The following DKK3 variants were observed in gnomAD, a reference collection of about 807,000 sequenced individuals.
The protein encoded by DKK3 is dickkopf-related protein 3.
In DKK3, 22 loss-of-function variants were observed where a neutral mutation model predicts 33.2. That is an observed-to-expected ratio of 0.66 (90% CI 0.47 to 0.95). The LOEUF (loss-of-function observed/expected upper bound fraction) is 0.95. DKK3 is among the 40% of genes least tolerant of loss of function. The probability of loss-of-function intolerance (pLI) is 0.00; values close to 1 mark genes in which losing one functional copy is unlikely to be tolerated. For missense variants in DKK3, 398 were observed against 458.4 expected (o/e 0.87, Z 1.20); for synonymous variants, 194 against 188.8 (o/e 1.03, Z -0.23).
intron 3 of DKK3, among the ~76,000 whole-genome samples, chr11:11,985,871 G>A (rs1848060222): frequency 6.6e-6 from 1 of 152,220 alleles, no homozygotes; most frequent in Non-Finnish European, 1.5e-5. Flanking sequence ...GAGGAGAGCA[G>A]CTCTGCACAA....
chr11:11,995,942 T>C (rs1216468985), intron 3 of DKK3, among the ~76,000 whole-genome samples: 1 of 152,216 alleles, frequency 6.6e-6, no homozygotes, highest in Non-Finnish European at 1.5e-5. Flanking sequence ...GACAGGCATA[T>C]AGTGTTACTC....
At chr11:12,002,945 A>G (rs1037313649) in intron 1 of DKK3, among the ~76,000 whole-genome samples, 1 of 152,188 alleles carries the variant, frequency 6.6e-6, no homozygotes, top group African/African-American at 2.4e-5. Flanking sequence ...GGGAGTTAAC[A>G]TCCTAGCAAT....
intron 2 of DKK3, among the ~76,000 whole-genome samples, chr11:12,000,244 G>A (rs1048255236): frequency 9.2e-5 from 14 of 151,900 alleles, no homozygotes; most frequent in Non-Finnish European, 1.5e-4. Context: ...TTGCTCTGTC[G>A]CCCAGGCTGG....
intron 3 of DKK3, among the ~76,000 whole-genome samples, chr11:11,983,056 C>T (rs535096294): frequency 8.5e-5 from 13 of 152,296 alleles, no homozygotes; most frequent in African/African-American, 3.1e-4. Flanking sequence ...GCCAAGCAGG[C>T]TCTGATAGTG....
At chr11:11,996,804 A>C (rs551447342) in intron 3 of DKK3, among the ~76,000 whole-genome samples, 46 of 152,310 alleles carry the variant, frequency 3.0e-4, no homozygotes, top group African/African-American at 1.0e-3. Context: ...TGCCCTGCAC[A>C]AGGGGGCCAA....
At chr11:11,967,280 T>C (rs1232373595) in intron 4 of DKK3, among the ~76,000 whole-genome samples, 182 bp from the exon 5 acceptor site, 2 of 152,100 alleles carry the variant, frequency 1.3e-5, no homozygotes, top group African/African-American at 4.8e-5. Context: ...TGGCGAGACA[T>C]GGGGGTCAGA....
chr11:11,998,936 C>A (rs2133323955), intron 2 of DKK3, among the ~76,000 whole-genome samples, 157 bp from the exon 3 acceptor site: 1 of 152,252 alleles, frequency 6.6e-6, no homozygotes. Flanking sequence ...CCCCCAGCAG[C>A]TGTGAGATGG....
chr11:12,008,871 T>C, upstream of DKK3: 1 of 1,128,596 alleles, frequency 8.9e-7, no homozygotes, highest in Non-Finnish European at 1.1e-6. The surrounding 1 kb of genome is among the most constrained non-coding windows in gnomAD (Gnocchi z 4.6). Context: ...GCTCCTCACC[T>C]GTGATGCTGG....
At chr11:11,999,358 C>T (rs1848373510) in intron 2 of DKK3, among the ~76,000 whole-genome samples, 1 of 152,142 alleles carries the variant, frequency 6.6e-6, no homozygotes, top group African/African-American at 2.4e-5. Context: ...AACATAGAAC[C>T]CAGGCTCTTC....
intron 3 of DKK3, among the ~76,000 whole-genome samples, chr11:11,972,004 T>G (rs148387025): frequency 2.0e-5 from 3 of 152,320 alleles, no homozygotes; most frequent in African/African-American, 7.2e-5. Context: ...GCTTGTCTAG[T>G]TGGATGTGCA....
At chr11:11,965,633 C>T (rs759451056) in intron 6 of DKK3, among the ~76,000 whole-genome samples, 176 bp downstream of exon 6, 7 of 151,804 alleles carry the variant, frequency 4.6e-5, no homozygotes, top group Non-Finnish European at 8.8e-5. Context: ...GCTCCAGACC[C>T]CTAGAACCGA....
chr11:12,002,341 C>T lies in DKK3; in HGVS notation c.310G>A (p.Val104Ile). The change falls in exon 2 of 7, where the codon GTT becomes ATT. Residue 104 changes from valine (V) to isoleucine (I), a missense_variant. Val to Ile is a conservative substitution (Grantham distance 29). Transcript: ENST00000683431. ...TGCACATGGATGGTATTATTTCCAA[C>T]CTTCGTGTCTGTGTTGGTCTCATTG... ...YHNETNTDTK[V>I]GNNTIHVHRE... The T allele has an allele frequency of 6.2e-7, 1 of 1,614,060 alleles. No homozygotes were observed. The highest frequency in any genetic ancestry group is 8.5e-7 in the Non-Finnish European group (1 of 1,179,996).
chr11:11,986,792 C>A (rs2135057563), intron 3 of DKK3, among the ~76,000 whole-genome samples: 1 of 152,306 alleles, frequency 6.6e-6, no homozygotes, highest in South Asian at 2.1e-4. Flanking sequence ...CCAGTGCCCT[C>A]ATCTATAAAA....
At chr11:11,996,603 C>T (rs758308553) in intron 3 of DKK3, among the ~76,000 whole-genome samples, 1 of 152,196 alleles carries the variant, frequency 6.6e-6, no homozygotes, top group Admixed American at 6.5e-5. Context: ...GCATCAGATG[C>T]CCCCGGTCTC....
At chr11:11,988,409 C>A (rs1479420575) in intron 3 of DKK3, among the ~76,000 whole-genome samples, 1 of 152,330 alleles carries the variant, frequency 6.6e-6, no homozygotes, top group African/African-American at 2.4e-5. Context: ...CTTCTGCATT[C>A]CCCGCTTCCC....
In DKK3 at chr11:12,002,421, G is replaced by A. The variant is rs2133331509; in HGVS notation, c.230C>T (p.Ala77Val). Residue 77 changes from alanine to valine, a missense_variant, in exon 2 of 7, where the codon GCT becomes GTT. Physicochemically the swap from Ala to Val is moderately conservative, Grantham distance 64 (BLOSUM62 0). Coordinates refer to ENST00000683431, the MANE Select transcript of DKK3 (RefSeq NM_001018057.2). ...SAVEEMEAEE[A>V]AAKASSEVNL... The stretch of plus-strand genomic sequence containing the variant: ...CACTTCTGATGATGCTTTAGCAGCA[G>A]CTTCTTCTGCCTCCATCTATTAAAT... 1 of 1,613,506 alleles carries A rather than the reference G, an allele frequency of 6.2e-7. No homozygotes were observed. The highest frequency in any genetic ancestry group is 2.2e-5 in the East Asian group (1 of 44,876).
intron 3 of DKK3, among the ~76,000 whole-genome samples, chr11:11,992,729 C>A (rs1177605358): frequency 6.6e-6 from 1 of 152,078 alleles, no homozygotes; most frequent in Non-Finnish European, 1.5e-5. Context: ...ACAGCCATCC[C>A]CCTTGTTTAT....
upstream of DKK3, chr11:12,009,044 G>T (rs1301648023): frequency 1.8e-5 from 18 of 987,692 alleles, no homozygotes; most frequent in Non-Finnish European, 2.0e-5. Flanking sequence ...CCTACCTGGG[G>T]TGGACCAAGC....
chr11:11,980,926 A>G (rs556320595), intron 3 of DKK3, among the ~76,000 whole-genome samples: 1 of 152,240 alleles, frequency 6.6e-6, no homozygotes, highest in East Asian at 1.9e-4. Context: ...CAAGGAGGGA[A>G]ATGCCTCAGT....
Sources: gnomAD v4.1 joint callset for allele counts (sites outside exome capture counted in the v4.1 genomes callset) on GRCh38, gnomAD v4.1.1 for gene constraint, Gnocchi (gnomAD v3.1) non-coding constraint, MANE v1.5 for transcripts, NCBI Gene and HGNC (gene_info 2026-07-23, HGNC 2026-07-21) for gene names.